The following SREBF2 variants were observed in gnomAD, a reference collection of about 807,000 sequenced individuals.
SREBF2 encodes the protein sterol regulatory element binding transcription factor 2, also known as sterol regulatory element-binding protein 2.
In SREBF2, 55 loss-of-function variants were observed where a neutral mutation model predicts 113.1. The observed-to-expected ratio is 0.49, with a 90% CI of 0.39 to 0.61. The LOEUF (loss-of-function observed/expected upper bound fraction) is 0.61, where lower values mean the gene tolerates loss of function less well. SREBF2 is among the 20% of genes least tolerant of loss of function. The pLI, the probability that SREBF2 is intolerant of heterozygous loss-of-function variation, is 0.00. For missense variants in SREBF2, 1,349 were observed against 1,487.4 expected (o/e 0.91, Z 1.53); for synonymous variants, 593 against 605.7 (o/e 0.98, Z 0.31).
rs753393916 is a variant in SREBF2 at position 41,898,758 on chromosome 22, C to T, written c.2715C>T (p.Ile905=). ...VRSHFTKVER[I]PKALEVTESP... is the part of the protein sequence containing the mutation. ...CTCATTTTACCAAAGTGGAACGCAT[C>T]CCCAAGGCCCTGGAAGTGACAGAGT... is the stretch of plus-strand genomic sequence containing the variant. Residue 905 remains isoleucine, a synonymous_variant, in exon 15 of 19, where the codon ATC becomes ATT. Coordinates refer to ENST00000361204, the MANE Select transcript of SREBF2 (RefSeq NM_004599.4). 1 of 1,614,098 alleles carries T rather than the reference C, an allele frequency of 6.2e-7. No individual in the cohort carries two copies. The highest frequency in any genetic ancestry group is 1.7e-5 in the Admixed American group (1 of 60,010).
chr22:41,839,023 CA>C (rs1310806048), intron 1 of SREBF2, among the ~76,000 whole-genome samples: 1 of 152,126 alleles, frequency 6.6e-6, no homozygotes, highest in African/African-American at 2.4e-5. Flanking sequence ...ACCTCAAGTT[CA>C]GTCTGAGTGT....
In SREBF2 at chr22:41,860,617, G is replaced by A. The variant is rs938022269; in HGVS notation, c.89-6214G>A. Among the ~76,000 whole-genome samples the A allele has an allele frequency of 4.6e-5, 7 of 152,190 alleles. No individual in the cohort carries two copies. The East Asian group carries it at 9.6e-4, about 21-fold the overall frequency. On this transcript the variant is annotated intron_variant, in intron 1 of 18. Transcript: ENST00000361204. ...TAACTTGCTGGGTGTGGTGGCACAC[G>A]CCTGTAATCCCAGCACTTTGGGAGG...
chr22:41,903,873 C>T (rs1312977799), intron 17 of SREBF2, among the ~76,000 whole-genome samples: 1 of 152,158 alleles, frequency 6.6e-6, no homozygotes, highest in Non-Finnish European at 1.5e-5. Flanking sequence ...CAGGGTTGCA[C>T]TGTGGCCACT....
rs1556086629 is a variant in SREBF2 at position 41,890,672 on chromosome 22, A to AAT, written c.2209-2445_2209-2444insAT. Reference sequence around the variant, plus strand: ...AAAATTTAGGAAAACTTAAAAAAAAATTTTTTTTTTTTTGGCTTGGGATTA... The same window carrying AAT: ...AAAATTTAGGAAAACTTAAAAAAAAAATTTTTTTTTTTTTTGGCTTGGGATTA... On this transcript the variant is annotated intron_variant, in intron 11 of 18. Transcript: ENST00000361204. Among the ~76,000 whole-genome samples the AAT allele has an allele frequency of 3.3e-3, 490 of 147,368 alleles. 4 individuals are homozygous for AAT. Among genetic ancestry groups the AAT allele is most frequent in the African/African-American group, 0.012 (478 of 40,406 alleles).
chr22:41,876,333 C>T (rs1160833455), intron 7 of SREBF2, among the ~76,000 whole-genome samples: 1 of 152,072 alleles, frequency 6.6e-6, no homozygotes, highest in Admixed American at 6.5e-5. Flanking sequence ...AAGTTCCCTC[C>T]TAGTGTTTGT....
At chr22:41,885,059 C>T (rs1421581021) in intron 11 of SREBF2, 48 bp downstream of exon 11, 4 of 1,606,564 alleles carry the variant, frequency 2.5e-6, no homozygotes, top group South Asian at 2.2e-5. Flanking sequence ...GAGCACTTAC[C>T]TAGCCAGGAG....
intron 9 of SREBF2, chr22:41,878,841 G>A: frequency 2.2e-6 from 2 of 895,914 alleles, no homozygotes; most frequent in South Asian, 2.8e-5. Context: ...GGATCTGTCA[G>A]CCTTGCTGGG....
intron 11 of SREBF2, among the ~76,000 whole-genome samples, chr22:41,891,583 A>G (rs2077363417): frequency 6.6e-6 from 1 of 152,170 alleles, no homozygotes; most frequent in Non-Finnish European, 1.5e-5. Flanking sequence ...CTGGCATTCA[A>G]GTCTTCTGAA....
intron 1 of SREBF2, among the ~76,000 whole-genome samples, chr22:41,842,664 C>T (rs563895520): frequency 3.3e-5 from 5 of 152,192 alleles, no homozygotes; most frequent in Admixed American, 6.5e-5. Flanking sequence ...GTGCTGTCTC[C>T]GACATAGTTG....
intron 1 of SREBF2, among the ~76,000 whole-genome samples, chr22:41,839,281 A>G (rs1403817453): frequency 6.6e-6 from 1 of 152,182 alleles, no homozygotes; most frequent in Admixed American, 6.5e-5. Context: ...GGGGTCATCC[A>G]TTAGGAAATG....
chr22:41,852,444 G>A (rs759218444), intron 1 of SREBF2, among the ~76,000 whole-genome samples: 3 of 152,012 alleles, frequency 2.0e-5, no homozygotes, highest in Non-Finnish European at 4.4e-5. Context: ...CTTGCAAAAC[G>A]GGCCTTGGTT....
intron 1 of SREBF2, among the ~76,000 whole-genome samples, chr22:41,837,751 A>G (rs1482527027): frequency 2.7e-5 from 4 of 150,802 alleles, no homozygotes; most frequent in Non-Finnish European, 5.9e-5. Context: ...CCAGCTACTC[A>G]GGAGGCTAAG....
rs375949618 is a variant in SREBF2, at chr22:41,893,200, C to T, written c.2292C>T (p.Pro764=). 5.0e-6 allele frequency: 8 copies of T among 1,614,054 alleles called. No individual in the cohort carries two copies. The highest frequency in any genetic ancestry group is 2.7e-5 in the African/African-American group (2 of 74,916). ...VPDSLRWLCH[P]LGQKFFMERS... is the part of the protein sequence containing the mutation. ...ACTCCCTGCGCTGGCTCTGCCACCC[C>T]CTGGGCCAGAAGTTTTTCATGGAGC... is the stretch of plus-strand genomic sequence containing the variant. The change falls in exon 12 of 19, where the codon CCC becomes CCT. Residue 764 remains proline (P), a synonymous_variant. Coordinates refer to ENST00000361204, the MANE Select transcript of SREBF2 (RefSeq NM_004599.4).
chr22:41,852,834 C>G (rs2076944892), intron 1 of SREBF2, among the ~76,000 whole-genome samples: 2 of 148,800 alleles, frequency 1.3e-5, no homozygotes, highest in Non-Finnish European at 3.0e-5. Flanking sequence ...CAGCTCACTG[C>G]ACCCTCCACC....
rs1292527028 is a variant in SREBF2 at position 41,875,433 on chromosome 22, C to G, written c.1186C>G (p.Leu396Val). 3.1e-6 allele frequency: 5 copies of G among 1,614,124 alleles called. No individual in the cohort carries two copies. The African/African-American group carries it at 6.7e-5, about 22-fold the overall frequency. The change falls in exon 6 of 19, where the codon CTG becomes GTG. Residue 396 changes from leucine (L) to valine (V), a missense_variant. Around this residue, in one of 2 missense-constraint regions of SREBF2, gnomAD observed 699 missense variants for 843.3 expected, o/e 0.83. Coordinates refer to ENST00000361204, the MANE Select transcript of SREBF2 (RefSeq NM_004599.4). Reference sequence around the variant, plus strand: ...GCGCCAGGAGAACATGGTGCTGAAGCTGGCAAATCAAAAGAACAGTAAGTG... The same window carrying G: ...GCGCCAGGAGAACATGGTGCTGAAGGTGGCAAATCAAAAGAACAGTAAGTG... ...KLRQENMVLK[L>V]ANQKNKLLKG...
chr22:41,875,516 T>G (rs113278617), intron 6 of SREBF2, 27 bp from the exon 7 acceptor site: 2 of 1,614,072 alleles, frequency 1.2e-6, no homozygotes, highest in Non-Finnish European at 1.7e-6. Flanking sequence ...AGCAGATCAT[T>G]TTCACCAGGT....
chr22:41,889,818 T>C (rs2077340034), intron 11 of SREBF2, among the ~76,000 whole-genome samples: 1 of 151,694 alleles, frequency 6.6e-6, no homozygotes. Context: ...CTGGCCAACA[T>C]GATGAAACTC....
At chr22:41,870,039 A>G (rs1435437188) in intron 3 of SREBF2, among the ~76,000 whole-genome samples, 1 of 151,988 alleles carries the variant, frequency 6.6e-6, no homozygotes, top group Non-Finnish European at 1.5e-5. Flanking sequence ...TATTTTTAGT[A>G]GAGACAGGGT....
intron 2 of SREBF2, among the ~76,000 whole-genome samples, chr22:41,867,621 T>A (rs542967537): frequency 2.4e-4 from 36 of 152,054 alleles, no homozygotes; most frequent in South Asian, 8.3e-4. Context: ...CCTGGCTAAC[T>A]CAGTGAAACC....
Sources: allele counts gnomAD v4.1 joint callset (sites outside exome capture counted in the v4.1 genomes callset), GRCh38; gene constraint gnomAD v4.1.1; regional missense constraint gnomAD v4.1.1; transcripts MANE v1.5; gene names NCBI Gene and HGNC (gene_info 2026-07-23, HGNC 2026-07-21).